SEMA3C: variants seen among roughly 807,000 people sequenced by gnomAD.
The protein encoded by SEMA3C is semaphorin-3C.
A neutral mutation model predicts 89.4 loss-of-function variants in SEMA3C; 47 were observed. That is an observed-to-expected ratio of 0.53 (90% CI 0.42 to 0.67). SEMA3C has a LOEUF of 0.67. SEMA3C is among the 30% of genes least tolerant of loss of function. The pLI, the probability that SEMA3C is intolerant of heterozygous loss-of-function variation, is 0.00. For synonymous variants in SEMA3C, 310 were observed against 320.2 expected (o/e 0.97, Z 0.34); for missense variants, 839 against 929.1 (o/e 0.90, Z 1.26).
intron 2 of SEMA3C, among the ~76,000 whole-genome samples, chr7:80,886,648 A>G (rs559901207): frequency 6.6e-6 from 1 of 152,228 alleles, no homozygotes; most frequent in East Asian, 1.9e-4. Context: ...CACCTTGCCC[A>G]GCCAGTTAAA....
At chr7:80,878,289 A>T (rs1036558052) in intron 2 of SEMA3C, among the ~76,000 whole-genome samples, 4 of 152,206 alleles carry the variant, frequency 2.6e-5, no homozygotes, top group African/African-American at 9.6e-5. Flanking sequence ...GAGGCAGGAG[A>T]ATCGCTTGAA....
Position 80,805,652 on chromosome 7 carries a change from G to A in SEMA3C, c.645C>T (p.Ser215=). The change falls in exon 7 of 18, where the codon TCC becomes TCT. Residue 215 remains serine (S), a synonymous_variant. Transcript: ENST00000265361. ...RNAVRTDQHN[S]KWLSEPMFVD... ...ATGCTTTCTTACCACTTAGCCATTT[G>A]GAATTATGTTGATCAGTTCTGACCG... 6.3e-7 allele frequency: 1 copy of A among 1,598,060 alleles called. No homozygotes were observed. Among genetic ancestry groups the A allele is most frequent in the Non-Finnish European group, 8.5e-7 (1 of 1,172,534 alleles).
intron 2 of SEMA3C, among the ~76,000 whole-genome samples, chr7:80,840,547 C>CGAGAGA (rs138991595): frequency 7.1e-5 from 10 of 140,982 alleles, no homozygotes; most frequent in Admixed American, 4.4e-4. Flanking sequence ...AAAAAAAGAG[C>CGAGAGA]GAGAGAGAGA....
At chr7:80,909,332 CCT>C (rs879926959) in intron 2 of SEMA3C, among the ~76,000 whole-genome samples, 2 of 151,960 alleles carry the variant, frequency 1.3e-5, no homozygotes, top group Non-Finnish European at 2.9e-5. Context: ...GCTGTAACTC[CCT>C]GAGTTTATCT....
At chr7:80,840,395 T>G (rs954047840) in intron 2 of SEMA3C, among the ~76,000 whole-genome samples, 1 of 151,660 alleles carries the variant, frequency 6.6e-6, no homozygotes, top group Non-Finnish European at 1.5e-5. Flanking sequence ...GGCATGCACC[T>G]GTAGTCCCAG....
chr7:80,785,813 G>A (rs1788788396), intron 12 of SEMA3C, among the ~76,000 whole-genome samples: 1 of 152,174 alleles, frequency 6.6e-6, no homozygotes, highest in South Asian at 2.1e-4. Context: ...TCTCCATGCT[G>A]GTCAGGCTGG....
rs568308748 is a variant in SEMA3C, at chr7:80,818,954, C to G, written c.328-536G>C. Reference sequence around the variant, plus strand: ...CAGTCAACAAACATTTACTGATTACCTACTATTTGCCAGGGTATAGTCAAA... The same window carrying G: ...CAGTCAACAAACATTTACTGATTACGTACTATTTGCCAGGGTATAGTCAAA... On this transcript the variant is annotated intron_variant, in intron 4 of 17. Transcript: ENST00000265361. 1.4e-4 allele frequency among the ~76,000 whole-genome samples: 22 copies of G among 152,240 alleles called. No homozygotes were observed. The South Asian group carries it at 4.4e-3, about 30-fold the overall frequency.
At chr7:80,852,824 G>A (rs898909826) in intron 2 of SEMA3C, among the ~76,000 whole-genome samples, 2 of 151,778 alleles carry the variant, frequency 1.3e-5, no homozygotes, top group Non-Finnish European at 2.9e-5. Flanking sequence ...GACTACAGGT[G>A]CCCACCACCA....
intron 2 of SEMA3C, among the ~76,000 whole-genome samples, chr7:80,913,263 TG>T (rs1792194722): frequency 6.6e-6 from 1 of 152,104 alleles, no homozygotes. Flanking sequence ...TAGCTGGGCA[TG>T]GTGTCGCACA....
chr7:80,828,520 TTA>T, intron 3 of SEMA3C, 63 bp downstream of exon 3: 2 of 1,321,608 alleles, frequency 1.5e-6, no homozygotes, highest in East Asian at 2.5e-5. Flanking sequence ...TTTTACTTAT[TTA>T]TTTTTTTTAA....
intron 6 of SEMA3C, among the ~76,000 whole-genome samples, chr7:80,809,871 G>A (rs1318749413): frequency 6.6e-6 from 1 of 151,870 alleles, no homozygotes; most frequent in Non-Finnish European, 1.5e-5. Context: ...AGACAAATAA[G>A]GTGTGATCTC....
chr7:80,757,965 C>A (rs528816960), intron 15 of SEMA3C, among the ~76,000 whole-genome samples: 46 of 151,842 alleles, frequency 3.0e-4, no homozygotes, highest in African/African-American at 1.1e-3. Context: ...GACTTCATCT[C>A]AAAAATAAAT....
At chr7:80,885,219 TTTTG>T (rs745494045) in intron 2 of SEMA3C, among the ~76,000 whole-genome samples, 9 of 152,316 alleles carry the variant, frequency 5.9e-5, no homozygotes, top group East Asian at 3.9e-4. Context: ...TAATACCTTT[TTTTG>T]TTTGTTTGTT....
Position 80,918,934 on chromosome 7 carries a change from G to T in SEMA3C, c.-145C>A. ...AGACGACCTTATTTTCTAGCACGTC[G>T]CAAAGGTGAAATTCTTTCTTCCCGG... On this transcript the variant is annotated 5_prime_UTR_variant, in exon 1 of 18. Transcript: ENST00000265361. 1 of 985,388 alleles carries T rather than the reference G, an allele frequency of 1.0e-6. No individual in the cohort carries two copies. Among genetic ancestry groups the T allele is most frequent in the South Asian group, 4.7e-5 (1 of 21,280 alleles). The allele number at this position is 985,388 out of a possible 1,614,324, so 61.0% of individuals were successfully genotyped here. A position where few individuals can be genotyped will look rare whatever the true frequency, so the allele number is the denominator to read the frequency against.
chr7:80,830,330 T>G lies in SEMA3C; in HGVS notation c.104-1585A>C, dbSNP rs150771534. On this transcript the variant is annotated intron_variant, in intron 2 of 17. Coordinates refer to ENST00000265361, the MANE Select transcript of SEMA3C (RefSeq NM_006379.5). ...CCAAGAGTTCCCATGGAAATCAATTTAATTGACACATATAAATACGTGAAA... is the reference window on the plus strand; with the variant it reads ...CCAAGAGTTCCCATGGAAATCAATTGAATTGACACATATAAATACGTGAAA... Among the ~76,000 whole-genome samples the G allele has an allele frequency of 3.5e-3, 532 of 152,284 alleles. 4 individuals are homozygous for G. The highest frequency in any genetic ancestry group is 9.3e-3 in the African/African-American group (385 of 41,566).
At chr7:80,891,446 T>G (rs542014560) in intron 2 of SEMA3C, among the ~76,000 whole-genome samples, 2 of 152,026 alleles carry the variant, frequency 1.3e-5, no homozygotes, top group South Asian at 4.1e-4. Flanking sequence ...CCTTAAATTC[T>G]GAGAAATGAA....
chr7:80,772,467 T>C (rs564068665), intron 12 of SEMA3C, among the ~76,000 whole-genome samples: 56 of 152,296 alleles, frequency 3.7e-4, no homozygotes, highest in African/African-American at 1.3e-3. Context: ...CATGGTAAGC[T>C]TTGAATTGGT....
At chr7:80,898,789 T>TA (rs141306161) in intron 2 of SEMA3C, among the ~76,000 whole-genome samples, 1,594 of 150,040 alleles carry the variant, frequency 0.011, 24 homozygotes, top group African/African-American at 0.037. Context: ...ATTGTCTTAT[T>TA]AGTAGCCACA....
chr7:80,879,950 G>A (rs1188225515), intron 2 of SEMA3C, among the ~76,000 whole-genome samples: 3 of 152,060 alleles, frequency 2.0e-5, no homozygotes, highest in Non-Finnish European at 4.4e-5. Context: ...CGGTACCAAC[G>A]AAATGAGATG....
Sources: gnomAD v4.1 joint callset for allele counts (sites outside exome capture counted in the v4.1 genomes callset) on GRCh38, gnomAD v4.1.1 for gene constraint, MANE v1.5 for transcripts, NCBI Gene and HGNC (gene_info 2026-07-23, HGNC 2026-07-21) for gene names.